The following USP43 variants were observed in gnomAD, a reference collection of about 807,000 sequenced individuals.
The protein encoded by USP43 is ubiquitin specific peptidase 43.
In USP43, 33 loss-of-function variants were observed where a neutral mutation model predicts 90.7. The ratio of observed to expected loss-of-function variants is 0.36; its 90% CI spans 0.28 to 0.49. The LOEUF is 0.49. Ranked by LOEUF, USP43 falls within the 20% of genes least tolerant of loss-of-function variation. The pLI, the probability that USP43 is intolerant of heterozygous loss-of-function variation, is 0.98. For synonymous variants in USP43, 598 were observed against 615.8 expected (o/e 0.97, Z 0.43); for missense variants, 1,274 against 1,476.4 (o/e 0.86, Z 2.25).
chr17:9,701,500 C>T lies in USP43; in HGVS notation c.1811C>T (p.Thr604Met), dbSNP rs767845796. The stretch of plus-strand genomic sequence containing the variant: ...GGCGAGAGAAGAAACAAGCTCTCCA[C>T]GCTGGTGAAGTTTCCGCTCTCTGGA... ...QVGERRNKLS[T>M]LVKFPLSGLN... Residue 604 changes from threonine to methionine, a missense_variant, in exon 12 of 15, where the codon ACG (threonine) becomes ATG (methionine). Around this residue, in one of 6 missense-constraint regions of USP43, gnomAD observed 285 missense variants for 349.6 expected, o/e 0.82. Transcript: ENST00000285199. This position sits in a 1 kb window ranked among gnomAD's most constrained non-coding sequence, Gnocchi z 7.2. The T allele has an allele frequency of 1.8e-5, 28 of 1,570,220 alleles. No homozygotes were observed. The Admixed American group carries it at 2.3e-4, about 13-fold the overall frequency.
intron 13 of USP43, among the ~76,000 whole-genome samples, chr17:9,710,642 G>C (rs541413): frequency 0.36 from 53,762 of 150,888 alleles, 10,912 homozygotes; most frequent in African/African-American, 0.57. Context: ...GTAGCTGGGA[G>C]TACAGGCACG....
At chr17:9,704,339 G>A (rs1286458739) in intron 12 of USP43, among the ~76,000 whole-genome samples, 1 of 152,112 alleles carries the variant, frequency 6.6e-6, no homozygotes, top group East Asian at 1.9e-4. Context: ...ATCTTGCTCT[G>A]TCACCCAGGC....
Position 9,645,527 on chromosome 17 carries a change from C to T in USP43, c.-106C>T. On this transcript the variant is annotated 5_prime_UTR_variant, in exon 1 of 15. Transcript: ENST00000285199. This position sits in a 1 kb window ranked among gnomAD's most constrained non-coding sequence, Gnocchi z 6.8. ...CCGCCCCGTCCCCGCACACCTGGCC[C>T]GCAGGTAGCCGGCACCAGGAGCCTT... 4 of 1,056,150 alleles carry T rather than the reference C, an allele frequency of 3.8e-6. 1 individual carries two copies. Among genetic ancestry groups the T allele is most frequent in the Middle Eastern group, 7.9e-4 (2 of 2,538 alleles). 65.4% of individuals were successfully genotyped at this position (1,056,150 alleles called of 1,614,324 possible).
At chr17:9,646,192 GT>G in intron 1 of USP43, 56 bp downstream of exon 1, 1 of 1,376,852 alleles carries the variant, frequency 7.3e-7, no homozygotes, top group Non-Finnish European at 9.3e-7. Flanking sequence ...CTCTTGAAAA[GT>G]GTGTGCACGA....
intron 1 of USP43, among the ~76,000 whole-genome samples, chr17:9,649,677 TAAAA>T (rs56962060): frequency 9.3e-6 from 1 of 108,100 alleles, no homozygotes; most frequent in Non-Finnish European, 2.0e-5. Context: ...TTGCACATTG[TAAAA>T]AAAAAAAAAA....
chr17:9,656,487 G>T lies in USP43; in HGVS notation c.589G>T (p.Val197Leu). ...LEFLLWLLDRVHEDLEGSSRG... is the reference protein window; with the variant it reads ...LEFLLWLLDRLHEDLEGSSRG... Reference sequence around the variant, plus strand: ...ATTCCTGCTCTGGTTGCTGGATCGTGTACATGAGGACCTGGAGGGTTCATC... The same window carrying T: ...ATTCCTGCTCTGGTTGCTGGATCGTTTACATGAGGACCTGGAGGGTTCATC... Residue 197 changes from valine (V) to leucine (L), a missense_variant, in exon 2 of 15, where the codon GTA becomes TTA. Physicochemically the swap from Val to Leu is conservative, Grantham distance 32. Transcript: ENST00000285199. 6.2e-7 allele frequency: 1 copy of T among 1,610,540 alleles called. No homozygotes were observed.
intron 14 of USP43, among the ~76,000 whole-genome samples, chr17:9,713,188 G>A (rs1322843467): frequency 1.3e-5 from 2 of 151,822 alleles, no homozygotes; most frequent in African/African-American, 4.8e-5. Flanking sequence ...TCCCGGGTTC[G>A]AGCAATACTC....
chr17:9,664,083 C>T (rs1288221069), intron 2 of USP43, among the ~76,000 whole-genome samples: 1 of 152,154 alleles, frequency 6.6e-6, no homozygotes, highest in African/African-American at 2.4e-5. Flanking sequence ...AACTGGGTGT[C>T]ATAAAATATT....
At chr17:9,720,283 G>T (rs184504502) in intron 14 of USP43, among the ~76,000 whole-genome samples, 1 of 123,612 alleles carries the variant, frequency 8.1e-6, no homozygotes, top group African/African-American at 3.2e-5. Context: ...CCGAGGTTGC[G>T]CCACTGCACT....
In USP43 at chr17:9,700,333, C is replaced by G; in HGVS notation, c.1535+84C>G. On this transcript the variant is annotated intron_variant, in intron 10 of 14. Transcript: ENST00000285199. ...TTTCCCTGGACGCAGCTTCCCCCAG[C>G]ACGGCTGCAGGCAGGGTGCACACAT... 3 of 1,360,238 alleles carry G rather than the reference C, an allele frequency of 2.2e-6. No homozygotes were observed. In the South Asian group the frequency reaches 3.9e-5, roughly 18 times the overall value. 84.3% of individuals were successfully genotyped at this position (1,360,238 alleles called of 1,614,324 possible).
intron 7 of USP43, among the ~76,000 whole-genome samples, chr17:9,685,833 CCT>C: frequency 6.6e-6 from 1 of 152,266 alleles, no homozygotes; most frequent in Admixed American, 6.5e-5. Context: ...AAAATCCTAT[CCT>C]CTAGCTATTG....
Position 9,693,243 on chromosome 17 carries a change from G to T in USP43, c.1457+13G>T. On this transcript the variant is annotated intron_variant, in intron 9 of 14. Coordinates refer to ENST00000285199, the MANE Select transcript of USP43 (RefSeq NM_153210.5). ...GGGCAGTTGACAGGTAAGGGGGAAG[G>T]TCCAGGTTCAGTCAGCTAATGAACC... 1 of 1,604,744 alleles carries T rather than the reference G, an allele frequency of 6.2e-7. No homozygotes were observed. The highest frequency in any genetic ancestry group is 8.5e-7 in the Non-Finnish European group (1 of 1,174,178).
intron 8 of USP43, among the ~76,000 whole-genome samples, chr17:9,689,163 GCCAAC>G (rs146297375): frequency 0.042 from 6,355 of 152,126 alleles, 406 homozygotes; most frequent in African/African-American, 0.14. Flanking sequence ...TTCCAGGCTA[GCCAAC>G]CCATTTAACC....
intron 12 of USP43, among the ~76,000 whole-genome samples, chr17:9,705,304 T>C (rs185202750): frequency 1.6e-4 from 25 of 152,206 alleles, no homozygotes; most frequent in African/African-American, 2.2e-4. Context: ...TTTTTTTTTT[T>C]TCTCTCTGAA....
At position 9,728,464 on chromosome 17, in the gene USP43, G is replaced by A. The variant is rs771240606; in HGVS notation, c.2846G>A (p.Gly949Asp). Residue 949 changes from glycine to aspartate, a missense_variant, in exon 15 of 15, where the codon GGC becomes GAC. By Grantham distance (94) the Gly-to-Asp change is moderately conservative. Transcript: ENST00000285199. The surrounding 1 kb of genome is among the most constrained non-coding windows in gnomAD (Gnocchi z 6.2). Reference sequence around the variant, plus strand: ...CATGAGAAACCAGCTCGACCGGAGGGCCAGAAGGCCATGAACTGGAAGGAG... The same window carrying A: ...CATGAGAAACCAGCTCGACCGGAGGACCAGAAGGCCATGAACTGGAAGGAG... ...VEHEKPARPE[G>D]QKAMNWKESF... 9.6e-5 allele frequency: 155 copies of A among 1,613,264 alleles called. No individual in the cohort carries two copies. Among genetic ancestry groups the A allele is most frequent in the Non-Finnish European group, 1.2e-4 (141 of 1,179,638 alleles).
At chr17:9,683,071 G>A (rs1914398645) in intron 7 of USP43, 113 bp downstream of exon 7, 2 of 1,370,002 alleles carry the variant, frequency 1.5e-6, no homozygotes, top group Middle Eastern at 2.5e-4. Context: ...TAAACTAGGA[G>A]CCAGAAGTAG....
chr17:9,655,688 G>A (rs544202716), intron 1 of USP43, among the ~76,000 whole-genome samples: 2 of 152,282 alleles, frequency 1.3e-5, no homozygotes, highest in African/African-American at 4.8e-5. Flanking sequence ...ATGATGATCT[G>A]TTTTGTTCAC....
intron 14 of USP43, among the ~76,000 whole-genome samples, chr17:9,716,045 G>A (rs1256429414): frequency 6.6e-6 from 1 of 150,930 alleles, no homozygotes; most frequent in African/African-American, 2.4e-5. Context: ...GAATGTGTTT[G>A]TGTGTATGAG....
intron 14 of USP43, among the ~76,000 whole-genome samples, chr17:9,720,557 C>T (rs1445023879): frequency 1.3e-5 from 2 of 151,778 alleles, no homozygotes; most frequent in Admixed American, 6.6e-5. Flanking sequence ...GGCGCAATCT[C>T]TGCTCACTGC....
Sources: gnomAD v4.1 joint callset for allele counts (sites outside exome capture counted in the v4.1 genomes callset) on GRCh38, gnomAD v4.1.1 for gene constraint, gnomAD v4.1.1 regional missense constraint, Gnocchi (gnomAD v3.1) non-coding constraint, MANE v1.5 for transcripts, NCBI Gene and HGNC (gene_info 2026-07-23, HGNC 2026-07-21) for gene names.